Variants in ADAMTSL1 observed in about 807,000 individuals in gnomAD.
ADAMTSL1 encodes the protein ADAMTS like 1, also known as ADAMTS-like protein 1.
A neutral mutation model predicts 201.8 loss-of-function variants in ADAMTSL1; 126 were observed. The observed-to-expected ratio is 0.62, with a 90% CI of 0.54 to 0.72. The LOEUF is 0.72. ADAMTSL1 is among the 30% of genes least tolerant of loss of function. The pLI is 0.00. For synonymous variants in ADAMTSL1, 1,121 were observed against 903.4 expected, an observed-to-expected ratio of 1.24 and a Z score of -4.32; for missense variants, 2,679 against 2,277.8, an observed-to-expected ratio of 1.18 and a Z score of -3.59.
At chr9:18,162,079 T>C (rs1015805796) in intron 1 of ADAMTSL1, among the ~76,000 whole-genome samples, 6 of 152,070 alleles carry the variant, frequency 3.9e-5, no homozygotes, top group Non-Finnish European at 8.8e-5. Context: ...TGGCAAGTTA[T>C]GGTTGGATTC....
chr9:18,775,087 T>C (rs1207927269), intron 17 of ADAMTSL1, among the ~76,000 whole-genome samples: 3 of 152,204 alleles, frequency 2.0e-5, no homozygotes, highest in Non-Finnish European at 4.4e-5. Flanking sequence ...TTCTAGTGGA[T>C]ATGAAGTTGT....
intron 7 of ADAMTSL1, among the ~76,000 whole-genome samples, chr9:18,655,533 A>G (rs1264924959): frequency 6.6e-6 from 1 of 152,140 alleles, no homozygotes; most frequent in Non-Finnish European, 1.5e-5. Context: ...TTATGATGTT[A>G]TATCCTCCTC....
At chr9:17,926,956 T>C (rs991202832) in intron 1 of ADAMTSL1, among the ~76,000 whole-genome samples, 3 of 152,312 alleles carry the variant, frequency 2.0e-5, no homozygotes, top group Non-Finnish European at 4.4e-5. Context: ...ATTTCAGTAG[T>C]GTGAAGTACA....
intron 2 of ADAMTSL1, among the ~76,000 whole-genome samples, chr9:18,456,703 C>T (rs113548179): frequency 3.3e-5 from 5 of 152,218 alleles, no homozygotes; most frequent in South Asian, 2.1e-4. Context: ...TTAGTGCTCA[C>T]GCCAACTTGC....
chr9:18,644,354 ATC>A (rs1827645785), intron 7 of ADAMTSL1, among the ~76,000 whole-genome samples: 1 of 151,360 alleles, frequency 6.6e-6, no homozygotes, highest in Admixed American at 6.6e-5. Context: ...ACTTGTCAGT[ATC>A]TCCATGGAAT....
intron 4 of ADAMTSL1, among the ~76,000 whole-genome samples, chr9:18,603,990 A>C (rs1457210065): frequency 6.6e-6 from 1 of 152,226 alleles, no homozygotes; most frequent in Non-Finnish European, 1.5e-5. Flanking sequence ...CAATGGCGAG[A>C]GCACACCTGA....
chr9:18,294,903 A>C (rs1833413166), intron 2 of ADAMTSL1, among the ~76,000 whole-genome samples: 1 of 152,134 alleles, frequency 6.6e-6, no homozygotes, highest in South Asian at 2.1e-4. Flanking sequence ...TATATTAGAT[A>C]GACTTCTATG....
At chr9:18,696,307 C>T (rs1043879642) in intron 13 of ADAMTSL1, among the ~76,000 whole-genome samples, 1 of 152,154 alleles carries the variant, frequency 6.6e-6, no homozygotes, top group Non-Finnish European at 1.5e-5. Flanking sequence ...TGCAACCCGC[C>T]CATGCCAGAA....
Position 17,979,502 on chromosome 9 carries a change from A to T in ADAMTSL1, c.87+72580A>T, listed in dbSNP as rs1818599893. 2.0e-5 allele frequency among the ~76,000 whole-genome samples: 3 copies of T among 147,538 alleles called. No individual in the cohort carries two copies. The Admixed American group carries it at 2.1e-4, about 10-fold the overall frequency. On this transcript the variant is annotated intron_variant, in intron 1 of 29. Coordinates refer to the ADAMTSL1 transcript ENST00000680146. ...TACTCTCTATTGCATTGTTCATTTC[A>T]TTCACTGTATTCCTCAGCCATGGAT...
At chr9:18,209,879 C>T (rs913045356) in intron 2 of ADAMTSL1, among the ~76,000 whole-genome samples, 6 of 152,080 alleles carry the variant, frequency 3.9e-5, no homozygotes, top group Non-Finnish European at 7.4e-5. Context: ...CATAACTGTT[C>T]TCTGGATCTA....
At chr9:18,163,801 A>C (rs1487119316) in intron 1 of ADAMTSL1, 1 of 151,982 alleles carries the variant, frequency 6.6e-6, no homozygotes, top group African/African-American at 2.4e-5. Flanking sequence ...AACTAATTGC[A>C]CAGTGCCCAA....
intron 2 of ADAMTSL1, among the ~76,000 whole-genome samples, chr9:18,321,298 T>C (rs1020920137): frequency 1.3e-5 from 2 of 152,034 alleles, no homozygotes; most frequent in Non-Finnish European, 2.9e-5. Context: ...AATTTAACAA[T>C]GTAGAGAGCA....
At chr9:18,230,422 A>C (rs946082759) in intron 2 of ADAMTSL1, among the ~76,000 whole-genome samples, 1 of 152,146 alleles carries the variant, frequency 6.6e-6, no homozygotes, top group Non-Finnish European at 1.5e-5. Context: ...GCTGAAGAGC[A>C]ATGTGAGTAA....
intron 2 of ADAMTSL1, among the ~76,000 whole-genome samples, chr9:18,282,509 G>T (rs1563856095): frequency 6.6e-6 from 1 of 152,170 alleles, no homozygotes; most frequent in Non-Finnish European, 1.5e-5. Flanking sequence ...TTCTGCTGTG[G>T]TTAAAAAATA....
At chr9:18,828,580 T>A (rs1438198275) in intron 22 of ADAMTSL1, among the ~76,000 whole-genome samples, 1 of 148,770 alleles carries the variant, frequency 6.7e-6, no homozygotes, top group African/African-American at 2.5e-5. Flanking sequence ...GACAGAGGCA[T>A]GGCTCAAACT....
chr9:18,137,562 G>A (rs2131990770), intron 1 of ADAMTSL1, among the ~76,000 whole-genome samples: 1 of 152,128 alleles, frequency 6.6e-6, no homozygotes, highest in East Asian at 1.9e-4. Flanking sequence ...GTGGGTGATG[G>A]AATTTTTAAG....
intron 2 of ADAMTSL1, among the ~76,000 whole-genome samples, chr9:18,270,436 ATTATC>A (rs895045215): frequency 2.6e-5 from 4 of 152,198 alleles, no homozygotes; most frequent in Admixed American, 2.6e-4. Context: ...CAAAGGCCAA[ATTATC>A]TTTGTATCCT....
intron 2 of ADAMTSL1, among the ~76,000 whole-genome samples, chr9:18,186,407 T>C (rs149341732): frequency 9.8e-5 from 15 of 152,294 alleles, no homozygotes; most frequent in South Asian, 4.1e-4. Context: ...GATGATATCA[T>C]GTGAGTAAAT....
At chr9:18,430,397 T>C (rs1342479192) in intron 2 of ADAMTSL1, among the ~76,000 whole-genome samples, 1 of 152,218 alleles carries the variant, frequency 6.6e-6, no homozygotes, top group Non-Finnish European at 1.5e-5. Flanking sequence ...TTCTTACTTA[T>C]ATTAGAGGTT....
Sources: gnomAD v4.1 joint callset for allele counts (sites outside exome capture counted in the v4.1 genomes callset) on GRCh38, gnomAD v4.1.1 for gene constraint, MANE v1.5 for transcripts, NCBI Gene and HGNC (gene_info 2026-07-23, HGNC 2026-07-21) for gene names.